The following SCARA5 variants were observed in gnomAD, a reference collection of about 807,000 sequenced individuals.
SCARA5 encodes the protein scavenger receptor class A member 5.
In SCARA5, 45 loss-of-function variants were observed where a neutral mutation model predicts 46.3. That is an observed-to-expected ratio of 0.97 (90% CI 0.76 to 1.24). The LOEUF (loss-of-function observed/expected upper bound fraction) is 1.24, where lower values mean the gene tolerates loss of function less well. SCARA5 is among the 50% of genes most tolerant of loss of function. The probability of loss-of-function intolerance (pLI) is 0.00; values close to 1 mark genes in which losing one functional copy is unlikely to be tolerated. For synonymous variants in SCARA5, 333 were observed against 306.5 expected (o/e 1.09, Z -0.90); for missense variants, 680 against 689.0 (o/e 0.99, Z 0.15).
chr8:27,906,520 A>G (rs887955720), intron 6 of SCARA5, among the ~76,000 whole-genome samples: 5 of 152,394 alleles, frequency 3.3e-5, no homozygotes, highest in Admixed American at 3.3e-4. Context: ...CTGGGCCTGC[A>G]GCCCTGGTGT....
At chr8:27,962,045 T>C (rs1016684319) in intron 3 of SCARA5, among the ~76,000 whole-genome samples, 4 of 152,186 alleles carry the variant, frequency 2.6e-5, no homozygotes, top group African/African-American at 9.7e-5. Flanking sequence ...TTCACAAGGA[T>C]ACATTAACTA....
intron 2 of SCARA5, among the ~76,000 whole-genome samples, chr8:27,967,164 C>T (rs1220768861): frequency 6.6e-6 from 1 of 152,214 alleles, no homozygotes; most frequent in Admixed American, 6.5e-5. Flanking sequence ...CAGTTCTGAC[C>T]AGCTTGCAAC....
intron 3 of SCARA5, among the ~76,000 whole-genome samples, chr8:27,933,514 T>C (rs1335238629): frequency 1.4e-5 from 1 of 69,484 alleles, no homozygotes; most frequent in Non-Finnish European, 2.6e-5. Flanking sequence ...AGAGTGAGAC[T>C]CCATCTTAAA....
At chr8:27,976,585 TCTC>T (rs543950986) in intron 2 of SCARA5, among the ~76,000 whole-genome samples, 219 of 152,250 alleles carry the variant, frequency 1.4e-3, no homozygotes, top group African/African-American at 5.2e-3. Context: ...ACTGGTTTCT[TCTC>T]TGGGCAGAAA....
intron 3 of SCARA5, among the ~76,000 whole-genome samples, chr8:27,947,714 A>C (rs1259393025): frequency 1.3e-5 from 2 of 151,724 alleles, no homozygotes; most frequent in Admixed American, 1.3e-4. Flanking sequence ...CTACTAAAAA[A>C]AAAAAAAAAA....
intron 7 of SCARA5, chr8:27,904,409 A>C (rs1471077649): frequency 2.3e-6 from 1 of 425,734 alleles, no homozygotes; most frequent in Non-Finnish European, 4.2e-6. Context: ...CACTTTACAC[A>C]GATTAACTCA....
intron 3 of SCARA5, among the ~76,000 whole-genome samples, chr8:27,962,162 T>C (rs1808303472): frequency 6.6e-6 from 1 of 152,258 alleles, no homozygotes; most frequent in Admixed American, 6.5e-5. Context: ...GAAGTCTCTA[T>C]ACTTGCTGCA....
At chr8:27,917,980 G>C (rs145875463) in intron 4 of SCARA5, among the ~76,000 whole-genome samples, 141 of 152,294 alleles carry the variant, frequency 9.3e-4, no homozygotes, top group Non-Finnish European at 1.6e-3. Flanking sequence ...GCCTCTGATC[G>C]TCCAGTGTCA....
chr8:27,958,238 C>T (rs1808235889), intron 3 of SCARA5, among the ~76,000 whole-genome samples: 1 of 152,238 alleles, frequency 6.6e-6, no homozygotes, highest in Admixed American at 6.5e-5. Flanking sequence ...AGGCATCACC[C>T]TGGGCAGTGG....
chr8:27,969,000 C>G (rs1045681762), intron 2 of SCARA5, among the ~76,000 whole-genome samples: 1 of 152,060 alleles, frequency 6.6e-6, no homozygotes, highest in Admixed American at 6.6e-5. Context: ...TGCATTAAAC[C>G]AAGTATATTT....
intron 1 of SCARA5, among the ~76,000 whole-genome samples, chr8:27,989,073 G>A (rs1808746522): frequency 1.3e-5 from 2 of 150,120 alleles, no homozygotes; most frequent in Non-Finnish European, 3.0e-5. Flanking sequence ...CTGCAGCAGA[G>A]CAAAACAAGA....
chr8:27,973,409 G>A (rs1292559935), intron 2 of SCARA5, among the ~76,000 whole-genome samples: 3 of 152,040 alleles, frequency 2.0e-5, no homozygotes, highest in African/African-American at 4.8e-5. Flanking sequence ...CCCAGGGGGC[G>A]GAGATTGCAG....
At chr8:27,953,919 T>C (rs1012527520) in intron 3 of SCARA5, among the ~76,000 whole-genome samples, 13 of 152,120 alleles carry the variant, frequency 8.5e-5, no homozygotes, top group African/African-American at 3.1e-4. Flanking sequence ...AAAGTCGGGG[T>C]CTGCATCTGA....
Position 27,959,244 on chromosome 8 carries a change from G to GA in SCARA5, c.241+7169dup, listed in dbSNP as rs543869291. 5.3e-5 allele frequency among the ~76,000 whole-genome samples: 8 copies of GA among 151,908 alleles called. No homozygotes were observed. The East Asian group carries it at 1.4e-3, about 26-fold the overall frequency. On this transcript the variant is annotated intron_variant, in intron 3 of 8. Coordinates refer to ENST00000354914, the MANE Select transcript of SCARA5 (RefSeq NM_173833.6). ...TGAGACTCTGTCTCAAAAAGAAAAA[G>GA]AAAAAATAGTAAGTCTCATGAGAAT...
chr8:27,922,745 C>G (rs571713165), intron 3 of SCARA5, among the ~76,000 whole-genome samples: 12 of 152,114 alleles, frequency 7.9e-5, no homozygotes, highest in African/African-American at 2.9e-4. Flanking sequence ...TGAATAAGCC[C>G]CCCAAAATTC....
At chr8:27,879,514 A>G in intron 8 of SCARA5, 55 bp downstream of exon 8, 3 of 1,537,062 alleles carry the variant, frequency 2.0e-6, no homozygotes, top group Non-Finnish European at 2.7e-6. Context: ...AGGTGAGCCC[A>G]GTCCTAGGAT....
chr8:27,884,157 G>T (rs957641184), intron 7 of SCARA5, among the ~76,000 whole-genome samples: 1 of 152,160 alleles, frequency 6.6e-6, no homozygotes, highest in East Asian at 1.9e-4. Flanking sequence ...GCCTCCTCTC[G>T]ATATTGGATG....
intron 2 of SCARA5, among the ~76,000 whole-genome samples, chr8:27,978,845 T>C (rs968509181): frequency 6.6e-6 from 1 of 152,042 alleles, no homozygotes; most frequent in Non-Finnish European, 1.5e-5. Flanking sequence ...GGTCTCTGAC[T>C]CTGGGGTGCC....
intron 2 of SCARA5, among the ~76,000 whole-genome samples, chr8:27,978,022 TTG>T (rs1372952803): frequency 1.4e-4 from 19 of 140,306 alleles, no homozygotes; most frequent in Admixed American, 7.5e-4. Flanking sequence ...CTTGTGTCTT[TTG>T]TTTTTTTTTT....
Sources: gnomAD v4.1 joint callset for allele counts (sites outside exome capture counted in the v4.1 genomes callset) on GRCh38, gnomAD v4.1.1 for gene constraint, MANE v1.5 for transcripts, NCBI Gene and HGNC (gene_info 2026-07-23, HGNC 2026-07-21) for gene names.